ERO1A: variants seen among roughly 807,000 people sequenced by gnomAD.
ERO1A encodes the protein ERO1-like protein alpha.
Under a neutral mutation model 76.9 loss-of-function variants are expected in ERO1A, and 49 were observed. The ratio of observed to expected loss-of-function variants is 0.64; its 90% CI spans 0.51 to 0.81. The LOEUF is 0.81. Among genes scored for constraint, ERO1A ranks in the 30% least tolerant of loss-of-function variants. ERO1A has a pLI of 0.00. For missense variants in ERO1A, 448 were observed against 542.1 expected (o/e 0.83, Z 1.72); for synonymous variants, 174 against 181.2 (o/e 0.96, Z 0.32).
Position 52,642,604 on chromosome 14 carries a change from T to C in ERO1A, c.*966A>G, listed in dbSNP as rs1184073156. The C allele has an allele frequency of 3.9e-5, 6 of 152,448 alleles. No individual in the cohort carries two copies. In the East Asian group the frequency reaches 7.7e-4, roughly 20 times the overall value. The allele number at this position is 152,448 out of a possible 1,614,324, so 9.4% of individuals were successfully genotyped here. The stretch of plus-strand genomic sequence containing the variant: ...TAGGGTTTAAGGGGCATGATGCCTA[T>C]AACTGACTTTCAAATGATTGAGGAA... On this transcript the variant is annotated 3_prime_UTR_variant, in exon 16 of 16. Transcript: ENST00000395686.
chr14:52,672,663 A>C (rs909575388), intron 4 of ERO1A, among the ~76,000 whole-genome samples: 12 of 151,492 alleles, frequency 7.9e-5, no homozygotes, highest in African/African-American at 2.9e-4. Context: ...CTAGCTACTC[A>C]GGAAGTTGAG....
intron 9 of ERO1A, 63 bp downstream of exon 9, chr14:52,661,230 C>T: frequency 3.2e-6 from 2 of 627,106 alleles, no homozygotes; most frequent in South Asian, 3.8e-5. Context: ...TAAACTTTGC[C>T]ATAATAAACA....
chr14:52,694,734 A>G (rs2041488867), intron 1 of ERO1A, among the ~76,000 whole-genome samples: 1 of 152,180 alleles, frequency 6.6e-6, no homozygotes, highest in Admixed American at 6.5e-5. Context: ...ACTGAAGAAT[A>G]AGGACCTTCC....
At chr14:52,686,757 C>T (rs915386682) in intron 1 of ERO1A, among the ~76,000 whole-genome samples, 1 of 152,072 alleles carries the variant, frequency 6.6e-6, no homozygotes, top group Middle Eastern at 3.2e-3. Flanking sequence ...TGTCTGTAGT[C>T]CCAGCTGCTC....
In ERO1A at chr14:52,677,219, A is replaced by G. The variant is rs78204490; in HGVS notation, c.357+1215T>C. On this transcript the variant is annotated intron_variant, in intron 4 of 15. Transcript: ENST00000395686. ...CAAGGCTGCTAAAACTTTTCAGTGA[A>G]AAGCTATTAGGGAGCTTTAAGATGA... Among the ~76,000 whole-genome samples, 632 of 152,326 alleles carry G rather than the reference A, an allele frequency of 4.1e-3. 10 individuals carry two copies. The highest frequency in any genetic ancestry group is 0.034 in the Admixed American group (517 of 15,294).
chr14:52,694,563 AAC>A lies in ERO1A; in HGVS notation c.114+803_114+804del, dbSNP rs149639380. Among the ~76,000 whole-genome samples the A allele has an allele frequency of 9.0e-3, 1,369 of 152,262 alleles. 16 individuals are homozygous for A. Among genetic ancestry groups the A allele is most frequent in the African/African-American group, 0.032 (1,312 of 41,546 alleles). ...TTTTGTATAAAACGTAATTTTTATC[AAC>A]AGAGTCAACCAAAAAGTGGCTTTGA... is the stretch of plus-strand genomic sequence containing the variant. On this transcript the variant is annotated intron_variant, in intron 1 of 15. Transcript: ENST00000395686.
chr14:52,678,455 T>C lies in ERO1A; in HGVS notation c.336A>G (p.Gly112=). 1 of 1,613,122 alleles carries C rather than the reference T, an allele frequency of 6.2e-7. No individual in the cohort carries two copies. Among genetic ancestry groups the C allele is most frequent in the Non-Finnish European group, 8.5e-7 (1 of 1,179,502 alleles). ...KPCQSDEVPD[G]IKSASYKYSE... ...ACACCTTGTAGCTCGCAGATTTAAT[T>C]CCATCAGGAACTTCATCCTGAAAAA... Residue 112 remains glycine, a synonymous_variant, in exon 4 of 16, where the codon GGA becomes GGG. Coordinates refer to ENST00000395686, the MANE Select transcript of ERO1A (RefSeq NM_014584.3).
intron 4 of ERO1A, among the ~76,000 whole-genome samples, chr14:52,677,305 T>C (rs2040817557): frequency 6.6e-6 from 1 of 152,114 alleles, no homozygotes; most frequent in South Asian, 2.1e-4. Flanking sequence ...GCAGAGATTA[T>C]ATGTTGGTAT....
intron 11 of ERO1A, among the ~76,000 whole-genome samples, chr14:52,653,830 T>G (rs950986545): frequency 3.3e-5 from 5 of 151,978 alleles, no homozygotes; most frequent in African/African-American, 1.2e-4. Flanking sequence ...TTAAAAAAAT[T>G]TGTTATGTAT....
In ERO1A at chr14:52,690,347, A is replaced by G. The variant is rs116237563; in HGVS notation, c.114+5021T>C. ...ATGAAAAGGCAACCTACAGAATGGG[A>G]GAAAATATTTGCAGACCATCTGTCT... On this transcript the variant is annotated intron_variant, in intron 1 of 15. Coordinates refer to ENST00000395686, the MANE Select transcript of ERO1A (RefSeq NM_014584.3). Among the ~76,000 whole-genome samples, 835 of 152,384 alleles carry G rather than the reference A, an allele frequency of 5.5e-3. 13 individuals carry two copies. The highest frequency in any genetic ancestry group is 0.019 in the African/African-American group (799 of 41,596).
In ERO1A at chr14:52,646,464, G is replaced by A; in HGVS notation, c.1126-3C>T. On this transcript the variant is annotated splice_polypyrimidine_tract_variant and splice_region_variant and intron_variant, in intron 13 of 15. Transcript: ENST00000395686. ...CTAAAATGCAGTCGAAAGTCCTCCT[G>A]AAAACAATTTAACAAGATTTTATTA... The A allele has an allele frequency of 6.3e-7, 1 of 1,598,616 alleles. No homozygotes were observed. Among genetic ancestry groups the A allele is most frequent in the Non-Finnish European group, 8.5e-7 (1 of 1,172,014 alleles).
At chr14:52,650,413 G>A (rs1256630584) in intron 13 of ERO1A, among the ~76,000 whole-genome samples, 2 of 150,198 alleles carry the variant, frequency 1.3e-5, no homozygotes, top group East Asian at 3.9e-4. Context: ...TGTTCAGTAA[G>A]AGGTACTAAC....
intron 3 of ERO1A, among the ~76,000 whole-genome samples, chr14:52,681,246 G>C (rs2040981978): frequency 6.6e-6 from 1 of 152,184 alleles, no homozygotes; most frequent in African/African-American, 2.4e-5. Flanking sequence ...ATCAACAGGT[G>C]ACTATATAAA....
chr14:52,663,904 T>G, intron 7 of ERO1A, 57 bp from the exon 8 acceptor site: 6 of 1,021,782 alleles, frequency 5.9e-6, no homozygotes, highest in Non-Finnish European at 9.0e-6. Context: ...TCATGTTATA[T>G]TTAAGTGATA....
chr14:52,664,206 A>G (rs2040327429), intron 7 of ERO1A: 1 of 155,488 alleles, frequency 6.4e-6, no homozygotes. Flanking sequence ...TGTACCCCTA[A>G]ATGAAAGACA....
At chr14:52,674,979 T>C (rs1052842692) in intron 4 of ERO1A, among the ~76,000 whole-genome samples, 2 of 152,232 alleles carry the variant, frequency 1.3e-5, no homozygotes, top group African/African-American at 4.8e-5. Context: ...GGAGGAGGTA[T>C]ACTGATGCCA....
At chr14:52,676,912 T>C (rs1445179843) in intron 4 of ERO1A, among the ~76,000 whole-genome samples, 2 of 149,748 alleles carry the variant, frequency 1.3e-5, no homozygotes, top group African/African-American at 4.9e-5. Flanking sequence ...ACCAATTCCA[T>C]CCCAACCTAT....
intron 13 of ERO1A, 184 bp from the exon 14 acceptor site, chr14:52,646,645 C>T: frequency 2.1e-6 from 1 of 486,732 alleles, no homozygotes; most frequent in Non-Finnish European, 3.6e-6. Context: ...ATTTAATCTT[C>T]ACCACAAATC....
At chr14:52,665,991 C>G (rs2040398444) in intron 7 of ERO1A, among the ~76,000 whole-genome samples, 1 of 152,198 alleles carries the variant, frequency 6.6e-6, no homozygotes. Flanking sequence ...AAGCCACAGA[C>G]AAGGGTGTAC....
Sources: allele counts gnomAD v4.1 joint callset (sites outside exome capture counted in the v4.1 genomes callset), GRCh38; gene constraint gnomAD v4.1.1; transcripts MANE v1.5; gene names NCBI Gene and HGNC (gene_info 2026-07-23, HGNC 2026-07-21).